AKAP7: variants seen among roughly 807,000 people sequenced by gnomAD.
The protein encoded by AKAP7 is A kinase (PRKA) anchor protein 7.
Under a neutral mutation model 39.5 loss-of-function variants are expected in AKAP7, and 39 were observed. That is an observed-to-expected ratio of 0.99 (90% CI 0.76 to 1.29). The LOEUF (loss-of-function observed/expected upper bound fraction) is 1.29, where lower values mean the gene tolerates loss of function less well. AKAP7 is among the 50% of genes most tolerant of loss of function. The pLI, the probability that AKAP7 is intolerant of heterozygous loss-of-function variation, is 0.00. For missense variants in AKAP7, 414 were observed against 407.7 expected (o/e 1.02, Z -0.13); for synonymous variants, 140 against 139.1 (o/e 1.01, Z -0.05).
At chr6:131,130,287 T>C in the AKAP7 span, among the ~76,000 whole-genome samples, 1 of 152,204 alleles carries the variant, frequency 6.6e-6, no homozygotes, top group Non-Finnish European at 1.5e-5. Flanking sequence ...CAGAGTGTAA[T>C]GTGTAGGGAG....
At position 131,156,800 on chromosome 6, in the gene AKAP7, TCTCA is replaced by T. The variant is rs1213904016; in HGVS notation, c.152-3255_152-3252del. On this transcript the variant is annotated intron_variant, in intron 2 of 7. Coordinates refer to ENST00000431975, the MANE Select transcript of AKAP7 (RefSeq NM_016377.4). ...TTCCTTTTTTTTTTTTGAGATGGAG[TCTCA>T]CTCTGTCACCCAGGCTGGAGTGTGC... 2.0e-5 allele frequency among the ~76,000 whole-genome samples: 3 copies of T among 150,292 alleles called. No homozygotes were observed. The East Asian group carries it at 5.9e-4, about 29-fold the overall frequency.
intron 7 of AKAP7, among the ~76,000 whole-genome samples, chr6:131,245,468 G>A (rs73633690): frequency 0.024 from 3,524 of 149,030 alleles, 142 homozygotes; most frequent in African/African-American, 0.082. Flanking sequence ...TAGTAGAGAC[G>A]CGGTTTCACT....
chr6:131,147,992 G>A (rs1278824538), intron 2 of AKAP7, among the ~76,000 whole-genome samples: 6 of 152,170 alleles, frequency 3.9e-5, no homozygotes, highest in Non-Finnish European at 8.8e-5. Flanking sequence ...TCTACTGTTA[G>A]GGAGATTAAC....
intron 6 of AKAP7, among the ~76,000 whole-genome samples, chr6:131,212,302 A>G (rs999176335): frequency 2.6e-5 from 4 of 152,234 alleles, no homozygotes; most frequent in African/African-American, 9.6e-5. Flanking sequence ...CATGTGTGTC[A>G]TACTTAGAAA....
chr6:131,199,785 G>T (rs1399054480), intron 6 of AKAP7, among the ~76,000 whole-genome samples: 1 of 152,180 alleles, frequency 6.6e-6, no homozygotes, highest in African/African-American at 2.4e-5. Flanking sequence ...CACGATGGCT[G>T]TTCTTGCATA....
chr6:131,224,988 C>T (rs1482122662), intron 7 of AKAP7, among the ~76,000 whole-genome samples: 1 of 151,840 alleles, frequency 6.6e-6, no homozygotes, highest in African/African-American at 2.4e-5. Context: ...AACTCCTGAC[C>T]TCAGGTGATC....
intron 7 of AKAP7, among the ~76,000 whole-genome samples, chr6:131,266,507 A>G (rs1221145389): frequency 6.6e-6 from 1 of 152,232 alleles, no homozygotes; most frequent in Admixed American, 6.5e-5. Flanking sequence ...AATAAACAGT[A>G]TACATCACCA....
chr6:131,151,955 C>T (rs1237425857), intron 2 of AKAP7, among the ~76,000 whole-genome samples: 1 of 152,112 alleles, frequency 6.6e-6, no homozygotes, highest in Non-Finnish European at 1.5e-5. Context: ...TAATTTTTCT[C>T]ATCATTCATT....
rs9483229 is a variant in AKAP7 at position 131,201,372 on chromosome 6, A to G, written c.702+1799A>G. Among the ~76,000 whole-genome samples, 1,417 of 152,328 alleles carry G rather than the reference A, an allele frequency of 9.3e-3. 20 individuals carry two copies. The highest frequency in any genetic ancestry group is 0.03 in the African/African-American group (1,260 of 41,574). On this transcript the variant is annotated intron_variant, in intron 6 of 7. Transcript: ENST00000431975. ...TAGAAACAGTCACTGCTTGAATGGT[A>G]CATAAAATCTAAATCAGATTGCATT... is the stretch of plus-strand genomic sequence containing the variant.
chr6:131,176,043 G>A (rs957227231), intron 5 of AKAP7, among the ~76,000 whole-genome samples: 1 of 152,128 alleles, frequency 6.6e-6, no homozygotes, highest in African/African-American at 2.4e-5. Flanking sequence ...TTATGGAGTT[G>A]TCTATAACAA....
intron 5 of AKAP7, among the ~76,000 whole-genome samples, chr6:131,193,204 G>A (rs907316649): frequency 2.0e-5 from 3 of 151,960 alleles, no homozygotes; most frequent in Admixed American, 1.3e-4. Context: ...AGTATGATAC[G>A]AGATGTGGAT....
intron 2 of AKAP7, among the ~76,000 whole-genome samples, chr6:131,155,876 A>G (rs554506677): frequency 6.6e-6 from 1 of 152,228 alleles, no homozygotes; most frequent in Non-Finnish European, 1.5e-5. Flanking sequence ...AGATCTTCTC[A>G]TATGACCCTA....
At chr6:131,265,888 G>A (rs949967869) in intron 7 of AKAP7, among the ~76,000 whole-genome samples, 14 of 152,096 alleles carry the variant, frequency 9.2e-5, no homozygotes, top group South Asian at 6.2e-4. Flanking sequence ...TAATAGATGC[G>A]TACTATGACG....
intron 2 of AKAP7, among the ~76,000 whole-genome samples, chr6:131,152,557 G>A (rs1274733970): frequency 6.6e-6 from 1 of 152,150 alleles, no homozygotes; most frequent in Non-Finnish European, 1.5e-5. Flanking sequence ...GCCGGGCGTG[G>A]TGGCTCACGC....
intron 4 of AKAP7, among the ~76,000 whole-genome samples, chr6:131,166,090 C>A (rs1399536418): frequency 6.6e-6 from 1 of 152,060 alleles, no homozygotes; most frequent in Non-Finnish European, 1.5e-5. Flanking sequence ...AAATATCTAA[C>A]CCCATTATGA....
At chr6:131,181,226 G>A (rs372144422) in intron 5 of AKAP7, among the ~76,000 whole-genome samples, 22 of 152,170 alleles carry the variant, frequency 1.4e-4, no homozygotes, top group South Asian at 2.1e-4. Flanking sequence ...GTGAGCCACC[G>A]CGCCTGGCCC....
intron 7 of AKAP7, among the ~76,000 whole-genome samples, chr6:131,231,793 C>T (rs1810647465): frequency 6.6e-6 from 1 of 152,164 alleles, no homozygotes; most frequent in Admixed American, 6.5e-5. Flanking sequence ...GAACCTTTGA[C>T]TTGCTAAATA....
intron 5 of AKAP7, among the ~76,000 whole-genome samples, chr6:131,175,086 AAAG>A (rs1804447319): frequency 6.6e-6 from 1 of 152,224 alleles, no homozygotes; most frequent in South Asian, 2.1e-4. Flanking sequence ...AATTTAGAGA[AAAG>A]AAGATGCTAT....
In AKAP7 at chr6:131,265,694, A is replaced by G. The variant is rs192249871; in HGVS notation, c.851-15836A>G. The stretch of plus-strand genomic sequence containing the variant: ...ATACAGTTCCATTTGTCAGATGTGG[A>G]ACAGCATTATGGTATAATGGCAAAA... On this transcript the variant is annotated intron_variant, in intron 7 of 7. Transcript: ENST00000431975. Among the ~76,000 whole-genome samples the G allele has an allele frequency of 3.3e-4, 50 of 152,346 alleles. 1 individual carries two copies. The East Asian group carries it at 9.3e-3, about 28-fold the overall frequency.
Sources: allele counts gnomAD v4.1 joint callset (sites outside exome capture counted in the v4.1 genomes callset), GRCh38; gene constraint gnomAD v4.1.1; transcripts MANE v1.5; gene names NCBI Gene and HGNC (gene_info 2026-07-23, HGNC 2026-07-21).